WWOX: variants seen among roughly 807,000 people sequenced by gnomAD.
The protein encoded by WWOX is WW domain containing oxidoreductase, also known as WW domain-containing oxidoreductase.
In WWOX, 69 loss-of-function variants were observed where a neutral mutation model predicts 46.2. The observed-to-expected ratio is 1.49, with a 90% CI of 1.23 to 1.82. The LOEUF (loss-of-function observed/expected upper bound fraction) is 1.82. Ranked by LOEUF, WWOX falls within the 40% of genes most tolerant of loss-of-function variation. WWOX has a pLI of 0.00. For missense variants in WWOX, 919 were observed against 542.6 expected (o/e 1.69, Z -6.89); for synonymous variants, 359 against 202.6 (o/e 1.77, Z -6.56).
chr16:79,055,870 A>G (rs183962644), intron 8 of WWOX, among the ~76,000 whole-genome samples: 31 of 152,274 alleles, frequency 2.0e-4, no homozygotes, highest in African/African-American at 7.5e-4. Context: ...TTTGCTCTTT[A>G]TCTTCTCTTT....
intron 8 of WWOX, among the ~76,000 whole-genome samples, chr16:78,882,050 C>T (rs780242994): frequency 2.0e-5 from 3 of 150,454 alleles, no homozygotes; most frequent in South Asian, 2.1e-4. Flanking sequence ...TGCTTGAGCC[C>T]GGGAGACGGA....
intron 8 of WWOX, among the ~76,000 whole-genome samples, chr16:78,649,987 A>G (rs964338898): frequency 6.6e-6 from 1 of 152,124 alleles, no homozygotes; most frequent in Non-Finnish European, 1.5e-5. Flanking sequence ...GGGAGGTTCC[A>G]TTGTATATTT....
At chr16:79,165,248 C>G (rs367709382) in intron 8 of WWOX, among the ~76,000 whole-genome samples, 2 of 152,040 alleles carry the variant, frequency 1.3e-5, no homozygotes, top group South Asian at 2.1e-4. Flanking sequence ...TAACGGCTTC[C>G]GGCATCCAAT....
chr16:78,215,456 C>T (rs1254780799), intron 5 of WWOX, among the ~76,000 whole-genome samples: 2 of 152,144 alleles, frequency 1.3e-5, no homozygotes, highest in Non-Finnish European at 1.5e-5. Context: ...GGAAGTTTCC[C>T]CTGGCCTTCA....
chr16:78,782,257 T>A (rs567828429), intron 8 of WWOX, among the ~76,000 whole-genome samples: 1 of 152,306 alleles, frequency 6.6e-6, no homozygotes, highest in South Asian at 2.1e-4. Flanking sequence ...CTGTCTTCCC[T>A]CTAGTGACCG....
intron 8 of WWOX, among the ~76,000 whole-genome samples, chr16:78,901,823 C>T (rs947614894): frequency 2.0e-5 from 3 of 152,194 alleles, no homozygotes; most frequent in Non-Finnish European, 2.9e-5. Flanking sequence ...GTGTACAATC[C>T]AAGTCTGTCG....
intron 5 of WWOX, among the ~76,000 whole-genome samples, chr16:78,180,499 T>C (rs1217758153): frequency 7.3e-6 from 1 of 136,112 alleles, no homozygotes; most frequent in South Asian, 2.4e-4. Flanking sequence ...ATGAGTGCTA[T>C]TGGGCAAATC....
chr16:78,656,245 G>T (rs115283117), intron 8 of WWOX, among the ~76,000 whole-genome samples: 1 of 151,996 alleles, frequency 6.6e-6, no homozygotes, highest in African/African-American at 2.4e-5. Context: ...ATCATCCTTC[G>T]GTGGTAGATC....
At chr16:78,554,254 T>C (rs1337036056) in intron 8 of WWOX, among the ~76,000 whole-genome samples, 1 of 152,114 alleles carries the variant, frequency 6.6e-6, no homozygotes, top group East Asian at 1.9e-4. Context: ...AGAAGAACTG[T>C]CAAGATTTTC....
chr16:78,183,509 G>C (rs1187381424), intron 5 of WWOX, among the ~76,000 whole-genome samples: 3 of 152,208 alleles, frequency 2.0e-5, no homozygotes, highest in African/African-American at 7.2e-5. Flanking sequence ...CAGTGTTGTG[G>C]ATCTCAGACA....
chr16:79,160,028 C>T (rs2050454815), intron 8 of WWOX, among the ~76,000 whole-genome samples: 1 of 152,204 alleles, frequency 6.6e-6, no homozygotes. Flanking sequence ...CTGCAAAATT[C>T]CTGACAAATG....
At chr16:78,911,952 G>A (rs1015849171) in intron 8 of WWOX, among the ~76,000 whole-genome samples, 6 of 152,024 alleles carry the variant, frequency 3.9e-5, no homozygotes, top group South Asian at 4.1e-4. Context: ...TTGTTATAAA[G>A]GAAGATAAAT....
intron 6 of WWOX, among the ~76,000 whole-genome samples, chr16:78,393,437 T>A (rs2082218045): frequency 6.6e-6 from 1 of 152,002 alleles, no homozygotes; most frequent in Admixed American, 6.6e-5. Context: ...GGTGAGAGGA[T>A]TGCTTAAGCC....
intron 8 of WWOX, among the ~76,000 whole-genome samples, chr16:78,627,795 C>T (rs1307708650): frequency 6.6e-6 from 1 of 152,174 alleles, no homozygotes; most frequent in Non-Finnish European, 1.5e-5. Context: ...GTAGAGTATG[C>T]AGTGATTTCA....
At position 78,965,249 on chromosome 16, in the gene WWOX, G is replaced by C. The variant is rs562033700; in HGVS notation, c.1057-246359G>C. Among the ~76,000 whole-genome samples, 5 of 152,290 alleles carry C rather than the reference G, an allele frequency of 3.3e-5. No homozygotes were observed. In the South Asian group the frequency reaches 6.2e-4, roughly 19 times the overall value. On this transcript the variant is annotated intron_variant, in intron 8 of 8. Coordinates refer to ENST00000566780, the MANE Select transcript of WWOX (RefSeq NM_016373.4). ...GTAACAATTCCACAGAGATAGTATT[G>C]ATGGTTGAACAAGATGTTTAAATCA...
chr16:78,891,661 C>T (rs977428163), intron 8 of WWOX: 5 of 152,150 alleles, frequency 3.3e-5, no homozygotes, highest in African/African-American at 4.8e-5. Context: ...AACTATTGCC[C>T]GTCATTAGCA....
intron 8 of WWOX, chr16:78,994,226 T>G (rs972777155): frequency 5.2e-5 from 6 of 115,180 alleles, no homozygotes; most frequent in Non-Finnish European, 9.1e-5. Flanking sequence ...CTGTGTGTGT[T>G]TTTTTTCCCC....
rs993725514 is a variant in WWOX, at chr16:79,212,297, A to G, written c.*501A>G. 4 of 996,404 alleles carry G rather than the reference A, an allele frequency of 4.0e-6. No homozygotes were observed. Among genetic ancestry groups the G allele is most frequent in the Non-Finnish European group, 5.7e-6 (4 of 704,606 alleles). 61.7% of individuals were successfully genotyped at this position (996,404 alleles called of 1,614,324 possible). ...TGACCAAGACTGAGCCAGCTTAGCA[A>G]CTGCTGGGGAGACAAATCTCAGAAC... On this transcript the variant is annotated 3_prime_UTR_variant, in exon 9 of 9. Coordinates refer to ENST00000566780, the MANE Select transcript of WWOX (RefSeq NM_016373.4).
At chr16:79,157,590 G>C (rs896142702) in intron 8 of WWOX, among the ~76,000 whole-genome samples, 1 of 152,274 alleles carries the variant, frequency 6.6e-6, no homozygotes, top group Non-Finnish European at 1.5e-5. Flanking sequence ...GATGAAACTG[G>C]CTATCTGGAG....
Sources: gnomAD v4.1 joint callset for allele counts (sites outside exome capture counted in the v4.1 genomes callset) on GRCh38, gnomAD v4.1.1 for gene constraint, MANE v1.5 for transcripts, NCBI Gene and HGNC (gene_info 2026-07-23, HGNC 2026-07-21) for gene names.